GRIN3A: variants seen among roughly 807,000 people sequenced by gnomAD.
GRIN3A encodes glutamate receptor ionotropic, NMDA 3A.
In GRIN3A, 47 loss-of-function variants were observed where a neutral mutation model predicts 92.4. The observed-to-expected ratio is 0.51, with a 90% CI of 0.40 to 0.65. GRIN3A has a LOEUF of 0.65. GRIN3A is among the 30% of genes least tolerant of loss of function. The probability of loss-of-function intolerance (pLI) is 0.00; values close to 1 mark genes in which losing one functional copy is unlikely to be tolerated. For missense variants in GRIN3A, 1,324 were observed against 1,393.1 expected, an observed-to-expected ratio of 0.95 and a Z score of 0.79; for synonymous variants, 527 against 540.6, an observed-to-expected ratio of 0.97 and a Z score of 0.35.
intron 6 of GRIN3A, among the ~76,000 whole-genome samples, chr9:101,582,375 AG>A (rs1225445975): frequency 6.6e-6 from 1 of 152,192 alleles, no homozygotes; most frequent in African/African-American, 2.4e-5. Flanking sequence ...AGAGCTGAGC[AG>A]GGGCTCGGAG....
intron 3 of GRIN3A, among the ~76,000 whole-genome samples, chr9:101,638,148 A>T (rs1828808209): frequency 6.6e-6 from 1 of 152,132 alleles, no homozygotes; most frequent in African/African-American, 2.4e-5. Flanking sequence ...GAGCCTCTGG[A>T]TGTACCTCGG....
chr9:101,633,744 C>A (rs1164568007), intron 3 of GRIN3A, among the ~76,000 whole-genome samples: 1 of 152,164 alleles, frequency 6.6e-6, no homozygotes. Flanking sequence ...TTACCACCCA[C>A]CCCCAACCCA....
chr9:101,592,568 C>G (rs979488528), intron 6 of GRIN3A: 1 of 152,150 alleles, frequency 6.6e-6, no homozygotes, highest in Admixed American at 6.5e-5. Flanking sequence ...GTGTCTGAAT[C>G]TTTGAACATT....
chr9:101,645,212 C>T (rs1828921683), intron 3 of GRIN3A, among the ~76,000 whole-genome samples: 1 of 151,738 alleles, frequency 6.6e-6, no homozygotes, highest in Non-Finnish European at 1.5e-5. Context: ...TCCGTGAAAT[C>T]GATTTTTTTA....
chr9:101,709,660 A>G (rs1299902141), intron 1 of GRIN3A, among the ~76,000 whole-genome samples: 5 of 152,254 alleles, frequency 3.3e-5, no homozygotes, highest in African/African-American at 1.2e-4. Context: ...TTGGGAGAAT[A>G]ATGCCTTCCT....
chr9:101,714,008 C>G (rs1003727170), intron 1 of GRIN3A, among the ~76,000 whole-genome samples: 2 of 152,040 alleles, frequency 1.3e-5, no homozygotes, highest in African/African-American at 4.8e-5. Flanking sequence ...GTCTGTGCAA[C>G]AGAGTAAGAT....
chr9:101,604,312 T>C (rs907860715), intron 6 of GRIN3A, among the ~76,000 whole-genome samples: 4 of 152,218 alleles, frequency 2.6e-5, no homozygotes, highest in Non-Finnish European at 5.9e-5. Flanking sequence ...ATTGTTCTTG[T>C]AGCAAGACAG....
intron 3 of GRIN3A, among the ~76,000 whole-genome samples, chr9:101,644,694 A>G (rs1468092335): frequency 1.3e-5 from 2 of 151,968 alleles, no homozygotes; most frequent in East Asian, 1.9e-4. Flanking sequence ...CGGAAGTTTT[A>G]TAGCATAAAC....
intron 1 of GRIN3A, among the ~76,000 whole-genome samples, chr9:101,737,000 C>T (rs1029914146): frequency 7.2e-5 from 11 of 152,106 alleles, no homozygotes; most frequent in Non-Finnish European, 4.4e-5. Context: ...TTCTCCCAGC[C>T]GGTCAAAATA....
chr9:101,682,361 C>T lies in GRIN3A; in HGVS notation c.1304+4235G>A, dbSNP rs1445556360. ...CTATTTCTCCGCATCCTCTCCAGCA[C>T]CTGTTGTTTCCTGACTTTTTAATGA... On this transcript the variant is annotated intron_variant, in intron 2 of 8. Transcript: ENST00000361820. Among the ~76,000 whole-genome samples, 416 of 43,722 alleles carry T rather than the reference C, an allele frequency of 9.5e-3. 194 individuals are homozygous for T. The highest frequency in any genetic ancestry group is 0.032 in the African/African-American group (380 of 11,820). The allele number at this position is 43,722 out of a possible 152,430, so 28.7% of individuals were successfully genotyped here. A position where few individuals can be genotyped will look rare whatever the true frequency, so the allele number is the denominator to read the frequency against.
intron 6 of GRIN3A, among the ~76,000 whole-genome samples, chr9:101,598,255 G>A (rs1828165398): frequency 6.6e-6 from 1 of 152,080 alleles, no homozygotes; most frequent in South Asian, 2.1e-4. Context: ...TATATTTACA[G>A]CACATGTCAA....
intron 5 of GRIN3A, among the ~76,000 whole-genome samples, chr9:101,619,297 G>A (rs1455501411): frequency 6.6e-6 from 1 of 152,076 alleles, no homozygotes; most frequent in African/African-American, 2.4e-5. Flanking sequence ...TATTGTAATG[G>A]TCCCAACTAT....
intron 1 of GRIN3A, among the ~76,000 whole-genome samples, chr9:101,716,148 TGA>T (rs1829944350): frequency 6.6e-6 from 1 of 152,100 alleles, no homozygotes; most frequent in African/African-American, 2.4e-5. Flanking sequence ...GAAAGGACAA[TGA>T]GGGGACTGAA....
rs560681799 is a variant in GRIN3A, at chr9:101,641,722, T to A, written c.2353-13321A>T. Among the ~76,000 whole-genome samples, 25 of 151,638 alleles carry A rather than the reference T, an allele frequency of 1.6e-4. No individual in the cohort carries two copies. The South Asian group carries it at 4.8e-3, about 29-fold the overall frequency. ...GTGCAGCATACCAACATGGCACATG[T>A]ATACATATGTAACAAACCTGCACAT... On this transcript the variant is annotated intron_variant, in intron 3 of 8. Coordinates refer to ENST00000361820, the MANE Select transcript of GRIN3A (RefSeq NM_133445.3).
At chr9:101,606,040 A>C (rs1214655757) in intron 6 of GRIN3A, among the ~76,000 whole-genome samples, 1 of 152,142 alleles carries the variant, frequency 6.6e-6, no homozygotes, top group South Asian at 2.1e-4. Context: ...GACTCCCAAG[A>C]CCAGGGTCAT....
At chr9:101,579,390 G>C in intron 6 of GRIN3A, 30 bp from the exon 7 acceptor site, 1 of 1,611,010 alleles carries the variant, frequency 6.2e-7, no homozygotes, top group Non-Finnish European at 8.5e-7. Context: ...AAAAGGCCAT[G>C]AATACAATGA....
At chr9:101,699,631 G>C (rs913940500) in intron 1 of GRIN3A, among the ~76,000 whole-genome samples, 9 of 151,960 alleles carry the variant, frequency 5.9e-5, no homozygotes, top group African/African-American at 2.2e-4. Context: ...TTCTTGTCTG[G>C]GTCATGGATG....
chr9:101,610,820 C>T (rs923298111), intron 6 of GRIN3A, among the ~76,000 whole-genome samples: 1 of 152,028 alleles, frequency 6.6e-6, no homozygotes, highest in Admixed American at 6.6e-5. Flanking sequence ...GAAATTTAGC[C>T]AGGCGCGGTG....
rs200218410 is a variant in GRIN3A, at chr9:101,579,367, C to A, written c.2767-7G>T. ...TGATGCCCATTTGCAAAGTCTGTGA[C>A]AGAATAGGAAAGAAAAGGCCATGAA... On this transcript the variant is annotated splice_region_variant and splice_polypyrimidine_tract_variant and intron_variant, in intron 6 of 8. Coordinates refer to ENST00000361820, the MANE Select transcript of GRIN3A (RefSeq NM_133445.3). 1 of 1,613,698 alleles carries A rather than the reference C, an allele frequency of 6.2e-7. No individual in the cohort carries two copies. Among genetic ancestry groups the A allele is most frequent in the Non-Finnish European group, 8.5e-7 (1 of 1,179,788 alleles).
Sources: allele counts gnomAD v4.1 joint callset (sites outside exome capture counted in the v4.1 genomes callset), GRCh38; gene constraint gnomAD v4.1.1; transcripts MANE v1.5; gene names NCBI Gene and HGNC (gene_info 2026-07-23, HGNC 2026-07-21).